Variants in ATP2B1 observed in about 807,000 individuals in gnomAD.
The protein encoded by ATP2B1 is ATPase plasma membrane Ca2+ transporting 1.
A neutral mutation model predicts 124.2 loss-of-function variants in ATP2B1; 14 were observed. The observed-to-expected ratio is 0.11, with a 90% CI of 0.07 to 0.18. ATP2B1 has a LOEUF of 0.18. Among genes scored for constraint, ATP2B1 ranks in the 10% least tolerant of loss-of-function variants. ATP2B1 has a pLI of 1.00. For synonymous variants in ATP2B1, 449 were observed against 492.4 expected, an observed-to-expected ratio of 0.91 and a Z score of 1.17; for missense variants, 763 against 1,466.1, an observed-to-expected ratio of 0.52 and a Z score of 7.83.
At chr12:89,665,776 C>T (rs1392470209) in intron 1 of ATP2B1, among the ~76,000 whole-genome samples, 1 of 152,204 alleles carries the variant, frequency 6.6e-6, no homozygotes, top group Non-Finnish European at 1.5e-5. Context: ...TGTCGGCCTA[C>T]TCAGTTCTTA....
intron 15 of ATP2B1, among the ~76,000 whole-genome samples, chr12:89,607,762 T>C (rs1022785748): frequency 1.3e-5 from 2 of 152,192 alleles, no homozygotes; most frequent in Non-Finnish European, 2.9e-5. Context: ...TGTTACACTA[T>C]ATTATTTAGG....
intron 9 of ATP2B1, among the ~76,000 whole-genome samples, chr12:89,622,234 C>T (rs1880109557): frequency 6.6e-6 from 1 of 151,806 alleles, no homozygotes; most frequent in African/African-American, 2.4e-5. Flanking sequence ...ATTCTTACAT[C>T]AGTGCCAAGG....
chr12:89,656,051 T>A lies in ATP2B1; in HGVS notation c.-165A>T. The A allele has an allele frequency of 4.5e-6, 3 of 659,398 alleles. No individual in the cohort carries two copies. In the South Asian group the frequency reaches 7.4e-5, roughly 16 times the overall value. 40.8% of individuals were successfully genotyped at this position (659,398 alleles called of 1,614,324 possible). A position where few individuals can be genotyped will look rare whatever the true frequency, so the allele number is the denominator to read the frequency against. On this transcript the variant is annotated 5_prime_UTR_variant, in exon 2 of 21. Transcript: ENST00000428670. ...TCAGCAGCAACATTTCCCAGAGAAG[T>A]ATCTTGACCTTTGGCCCATGACTAG...
intron 1 of ATP2B1, among the ~76,000 whole-genome samples, chr12:89,680,472 G>A (rs1048609569): frequency 7.2e-5 from 11 of 152,116 alleles, no homozygotes; most frequent in Non-Finnish European, 1.6e-4. Context: ...ATTACAAAAT[G>A]CTCATTGGAG....
chr12:89,705,858 C>T (rs953388759), intron 1 of ATP2B1, among the ~76,000 whole-genome samples: 3 of 152,094 alleles, frequency 2.0e-5, no homozygotes, highest in African/African-American at 7.2e-5. Flanking sequence ...ATAGCCAATG[C>T]TTTACATTGT....
At chr12:89,658,083 T>G (rs1314311315) in intron 1 of ATP2B1, among the ~76,000 whole-genome samples, 1 of 152,192 alleles carries the variant, frequency 6.6e-6, no homozygotes, top group Non-Finnish European at 1.5e-5. Flanking sequence ...GATAATCTCC[T>G]TAGGTTTCTA....
intron 1 of ATP2B1, among the ~76,000 whole-genome samples, chr12:89,706,024 G>T (rs1215781007): frequency 6.6e-6 from 1 of 152,150 alleles, no homozygotes; most frequent in East Asian, 1.9e-4. Context: ...ATCAAAAAAG[G>T]AGGCTGTGCC....
At chr12:89,706,588 A>G (rs1193456801) in intron 1 of ATP2B1, among the ~76,000 whole-genome samples, 3 of 152,212 alleles carry the variant, frequency 2.0e-5, no homozygotes, top group Non-Finnish European at 4.4e-5. Context: ...TCAATAAAAA[A>G]AAGATTTCCC....
chr12:89,693,136 G>T (rs997754569), intron 1 of ATP2B1, among the ~76,000 whole-genome samples: 3 of 152,172 alleles, frequency 2.0e-5, no homozygotes, highest in Non-Finnish European at 4.4e-5. Flanking sequence ...TGGCAACACA[G>T]ACAAGGAAAT....
chr12:89,593,923 C>T lies in ATP2B1; in HGVS notation c.3352-2628G>A, dbSNP rs369651495. On this transcript the variant is annotated intron_variant, in intron 20 of 20. Transcript: ENST00000428670. ...GTCTTAAAACCTAGGTTTCTGGGCT[C>T]CCAATTCCAGGTTCCTTGGAAGTCA... 2.0e-5 allele frequency: 3 copies of T among 152,074 alleles called. No individual in the cohort carries two copies. The East Asian group carries it at 5.8e-4, about 29-fold the overall frequency. The allele number at this position is 152,074 out of a possible 1,614,324, so 9.4% of individuals were successfully genotyped here.
intron 20 of ATP2B1, among the ~76,000 whole-genome samples, chr12:89,593,084 T>C (rs1013196831): frequency 2.6e-5 from 4 of 152,070 alleles, no homozygotes; most frequent in African/African-American, 4.8e-5. Flanking sequence ...CTTTTATTGC[T>C]CTTGTTCCTC....
chr12:89,613,380 C>T lies in ATP2B1; in HGVS notation c.2068-2008G>A, dbSNP rs556104274. 7.9e-5 allele frequency among the ~76,000 whole-genome samples: 12 copies of T among 152,244 alleles called. No individual in the cohort carries two copies. The East Asian group carries it at 1.7e-3, about 22-fold the overall frequency. ...AAGATTTACATCATAAAAGTTATTT[C>T]CCTCTACCCAGTCAACTCTTAGTGA... On this transcript the variant is annotated intron_variant, in intron 12 of 20. Transcript: ENST00000428670.
intron 7 of ATP2B1, 126 bp from the exon 8 acceptor site, chr12:89,626,741 G>A: frequency 1.9e-6 from 2 of 1,079,266 alleles, no homozygotes; most frequent in Non-Finnish European, 1.3e-6. Flanking sequence ...TCAGCTTTGT[G>A]AGTGTGTGTG....
At chr12:89,709,101 G>C (rs1227130682), upstream of ATP2B1, 2 of 150,790 alleles carry the variant, frequency 1.3e-5, no homozygotes, top group African/African-American at 4.8e-5. Flanking sequence ...GGGCCCGCGG[G>C]CACCGGAGAG....
At chr12:89,664,743 T>C (rs1156682514) in intron 1 of ATP2B1, among the ~76,000 whole-genome samples, 2 of 152,206 alleles carry the variant, frequency 1.3e-5, no homozygotes, top group Non-Finnish European at 2.9e-5. Flanking sequence ...TGACAGAAAG[T>C]GTAGCCTCAA....
At chr12:89,640,376 G>A (rs1298799098) in intron 3 of ATP2B1, among the ~76,000 whole-genome samples, 1 of 152,150 alleles carries the variant, frequency 6.6e-6, no homozygotes, top group Non-Finnish European at 1.5e-5. Context: ...CCCCCTATGG[G>A]ACACACAGCA....
chr12:89,701,826 G>A (rs1326620937), intron 1 of ATP2B1, among the ~76,000 whole-genome samples: 1 of 152,056 alleles, frequency 6.6e-6, no homozygotes, highest in Admixed American at 6.5e-5. Context: ...GGACTTATAG[G>A]CATCAAGCAC....
At chr12:89,662,157 C>T (rs1188581025) in intron 1 of ATP2B1, among the ~76,000 whole-genome samples, 4 of 148,250 alleles carry the variant, frequency 2.7e-5, no homozygotes, top group African/African-American at 1.0e-4. Flanking sequence ...TTTTTTAACA[C>T]GAGACTGGAG....
chr12:89,624,522 A>G, intron 8 of ATP2B1, 125 bp from the exon 9 acceptor site: 1 of 835,052 alleles, frequency 1.2e-6, no homozygotes, highest in South Asian at 1.9e-5. Flanking sequence ...TCTCTGAGAA[A>G]TTACTTCTTT....
Sources: allele counts gnomAD v4.1 joint callset (sites outside exome capture counted in the v4.1 genomes callset), GRCh38; gene constraint gnomAD v4.1.1; transcripts MANE v1.5; gene names NCBI Gene and HGNC (gene_info 2026-07-23, HGNC 2026-07-21).